The following AIM2 variants were observed in gnomAD, a reference collection of about 807,000 sequenced individuals.
AIM2 encodes absent in melanoma 2, also known as interferon-inducible protein AIM2.
Under a neutral mutation model 27.7 loss-of-function variants are expected in AIM2, and 30 were observed. The ratio of observed to expected loss-of-function variants is 1.08; its 90% CI spans 0.81 to 1.47. The LOEUF (loss-of-function observed/expected upper bound fraction) is 1.47, where lower values mean the gene tolerates loss of function less well. AIM2 is among the 40% of genes most tolerant of loss of function. AIM2 has a pLI of 0.00. For synonymous variants in AIM2, 141 were observed against 145.3 expected (o/e 0.97, Z 0.21); for missense variants, 358 against 411.3 (o/e 0.87, Z 1.12).
At chr1:159,111,831 C>CT (rs1196256283) in intron 1 of AIM2, among the ~76,000 whole-genome samples, 1 of 137,664 alleles carries the variant, frequency 7.3e-6, no homozygotes, top group African/African-American at 2.9e-5. Flanking sequence ...ATCTATCTAT[C>CT]ATCTATCTAT....
chr1:159,119,269 T>C (rs1647466094), intron 1 of AIM2, among the ~76,000 whole-genome samples: 1 of 152,144 alleles, frequency 6.6e-6, no homozygotes, highest in African/African-American at 2.4e-5. Context: ...AACCTCTCTA[T>C]CCTGACAAAT....
intron 1 of AIM2, among the ~76,000 whole-genome samples, chr1:159,087,992 T>C (rs1403837412): frequency 6.6e-6 from 1 of 152,216 alleles, no homozygotes; most frequent in Admixed American, 6.5e-5. Flanking sequence ...CAGTTTATTC[T>C]TGCTTCTTTC....
At chr1:159,127,439 T>C (rs2102046296) in intron 1 of AIM2, among the ~76,000 whole-genome samples, 1 of 152,328 alleles carries the variant, frequency 6.6e-6, no homozygotes, top group South Asian at 2.1e-4. Flanking sequence ...AAAATTCCTA[T>C]GTTGAAATCC....
At chr1:159,092,587 T>C (rs1161323194) in intron 1 of AIM2, among the ~76,000 whole-genome samples, 2 of 152,160 alleles carry the variant, frequency 1.3e-5, no homozygotes, top group East Asian at 1.9e-4. Flanking sequence ...TGAATCCTCA[T>C]GTCCTAAGTA....
intron 1 of AIM2, among the ~76,000 whole-genome samples, chr1:159,113,915 T>C (rs1647257523): frequency 1.3e-5 from 2 of 152,232 alleles, no homozygotes; most frequent in African/African-American, 2.4e-5. Flanking sequence ...TCTTACTGTT[T>C]AACTGTGTGC....
intron 1 of AIM2, among the ~76,000 whole-genome samples, chr1:159,093,398 C>G (rs1256063427): frequency 6.6e-6 from 1 of 152,128 alleles, no homozygotes; most frequent in Non-Finnish European, 1.5e-5. Context: ...AAATCTTATT[C>G]ACTGCTGGTA....
chr1:159,139,426 CA>C (rs986219310), intron 1 of AIM2, among the ~76,000 whole-genome samples: 3 of 152,168 alleles, frequency 2.0e-5, no homozygotes, highest in Non-Finnish European at 1.5e-5. Flanking sequence ...AGGAGAAAGA[CA>C]AAAGCAACTT....
At chr1:159,068,475 G>T in intron 3 of AIM2, 93 bp downstream of exon 3, 1 of 1,462,022 alleles carries the variant, frequency 6.8e-7, no homozygotes. Context: ...TTATTTGCAT[G>T]CTGTGAGATA....
intron 1 of AIM2, among the ~76,000 whole-genome samples, chr1:159,138,893 C>T (rs574585485): frequency 7.9e-5 from 12 of 152,328 alleles, no homozygotes; most frequent in African/African-American, 2.4e-4. Context: ...TTGAGTCCTA[C>T]AGTGAAGTGA....
At chr1:159,141,765 C>G (rs767479663), upstream of AIM2, among the ~76,000 whole-genome samples, 4 of 151,904 alleles carry the variant, frequency 2.6e-5, no homozygotes, top group African/African-American at 4.8e-5. Flanking sequence ...GCATCCTGCT[C>G]TCTGAGCGGT....
intron 1 of AIM2, among the ~76,000 whole-genome samples, chr1:159,124,523 C>T (rs917735169): frequency 2.6e-5 from 4 of 152,162 alleles, no homozygotes; most frequent in Non-Finnish European, 4.4e-5. Flanking sequence ...ATCCTCTCCC[C>T]GGTTTATTTA....
In AIM2 at chr1:159,066,297, T is replaced by A; in HGVS notation, c.429A>T (p.Glu143Asp). Reference sequence around the variant, plus strand: ...GCTTCTGAAACCCTTCTCTGATAGATTCCTGCTGGGCCACCATCTGTTTCT... The same window carrying A: ...GCTTCTGAAACCCTTCTCTGATAGAATCCTGCTGGGCCACCATCTGTTTCT... ...PEQKQMVAQQ[E>D]SIREGFQKRC... Residue 143 changes from glutamate to aspartate, a missense_variant, in exon 4 of 6, where the codon GAA becomes GAT. Physicochemically the swap from Glu to Asp is conservative, Grantham distance 45. Transcript: ENST00000368130. 2 of 1,613,616 alleles carry A rather than the reference T, an allele frequency of 1.2e-6. No homozygotes were observed. Among genetic ancestry groups the A allele is most frequent in the South Asian group, 2.2e-5 (2 of 90,980 alleles).
intron 1 of AIM2, among the ~76,000 whole-genome samples, chr1:159,118,996 T>C (rs1647458362): frequency 6.6e-6 from 1 of 152,168 alleles, no homozygotes; most frequent in African/African-American, 2.4e-5. Context: ...GTGGCTCTGG[T>C]GTGCTTTGTT....
At chr1:159,127,856 T>C (rs1010760167) in intron 1 of AIM2, among the ~76,000 whole-genome samples, 2 of 152,152 alleles carry the variant, frequency 1.3e-5, no homozygotes, top group Non-Finnish European at 2.9e-5. Context: ...CTGTGGCACT[T>C]TGTTGTAGCA....
At position 159,096,644 on chromosome 1, in the gene AIM2, A is replaced by T. The variant is rs143039887; in HGVS notation, c.-15-30315T>A. ...TCTGTGGCTTGCCATTTCTTTCCTG[A>T]GGTATGATCATAGACAGAATTGCAA... On this transcript the variant is annotated intron_variant, in intron 1 of 2. Transcript: ENST00000368129. Among the ~76,000 whole-genome samples the T allele has an allele frequency of 5.9e-5, 9 of 152,066 alleles. No homozygotes were observed. In the East Asian group the frequency reaches 1.7e-3, roughly 29 times the overall value.
intron 1 of AIM2, among the ~76,000 whole-genome samples, chr1:159,125,946 G>A (rs1038300038): frequency 6.6e-6 from 1 of 152,118 alleles, no homozygotes; most frequent in Non-Finnish European, 1.5e-5. Flanking sequence ...GTGACTATAA[G>A]AATTCATGGC....
downstream of AIM2, among the ~76,000 whole-genome samples, chr1:159,059,374 A>G (rs899504781): frequency 3.9e-5 from 6 of 152,306 alleles, no homozygotes; most frequent in South Asian, 2.1e-4. Flanking sequence ...GAAACTTCAG[A>G]TGCTACAGAA....
At chr1:159,077,840 T>A (rs1048551041), upstream of AIM2, among the ~76,000 whole-genome samples, 2 of 152,212 alleles carry the variant, frequency 1.3e-5, no homozygotes, top group Non-Finnish European at 2.9e-5. Context: ...GCACTGAACA[T>A]CTAATATGAT....
chr1:159,090,725 T>C (rs1409640351), intron 1 of AIM2, among the ~76,000 whole-genome samples: 2 of 152,224 alleles, frequency 1.3e-5, no homozygotes, highest in Non-Finnish European at 2.9e-5. Context: ...CCTGACATGG[T>C]AACTGGAGAC....
Sources: allele counts gnomAD v4.1 joint callset (sites outside exome capture counted in the v4.1 genomes callset), GRCh38; gene constraint gnomAD v4.1.1; transcripts MANE v1.5; gene names NCBI Gene and HGNC (gene_info 2026-07-23, HGNC 2026-07-21).